DGKI: variants seen among roughly 807,000 people sequenced by gnomAD.
DGKI encodes the protein diacylglycerol kinase iota, also known as DAG kinase iota.
In DGKI, 55 loss-of-function variants were observed where a neutral mutation model predicts 147.5. That is an observed-to-expected ratio of 0.37 (90% confidence interval 0.30 to 0.47). The LOEUF is 0.47. Among genes scored for constraint, DGKI ranks in the 20% least tolerant of loss-of-function variants. The pLI, the probability that DGKI is intolerant of heterozygous loss-of-function variation, is 1.00. For missense variants in DGKI, 1,007 were observed against 1,323.8 expected (o/e 0.76, Z 3.71); for synonymous variants, 469 against 477.1 (o/e 0.98, Z 0.22).
intron 2 of DGKI, among the ~76,000 whole-genome samples, chr7:137,686,865 C>T (rs1403651364): frequency 1.3e-5 from 2 of 152,138 alleles, no homozygotes; most frequent in East Asian, 3.9e-4. Flanking sequence ...AGGCTAGTGT[C>T]AGAACACGGC....
intron 26 of DGKI, among the ~76,000 whole-genome samples, chr7:137,465,522 T>C (rs1324497451): frequency 6.6e-6 from 1 of 152,324 alleles, no homozygotes; most frequent in Middle Eastern, 3.4e-3. Context: ...GTTATTATTA[T>C]ATAATCTACA....
At chr7:137,800,723 A>T (rs1797178237) in intron 1 of DGKI, among the ~76,000 whole-genome samples, 1 of 152,202 alleles carries the variant, frequency 6.6e-6, no homozygotes, top group Non-Finnish European at 1.5e-5. Context: ...AAGACTGGCA[A>T]AACAGAGATT....
intron 1 of DGKI, among the ~76,000 whole-genome samples, chr7:137,717,368 C>T (rs1794411145): frequency 6.6e-6 from 1 of 151,908 alleles, no homozygotes. Flanking sequence ...GAAATTAGAA[C>T]TCTATTTAAA....
rs766641532 is a variant in DGKI at position 137,645,514 on chromosome 7, C to T, written c.762G>A (p.Val254=). The change falls in exon 6 of 33, where the codon GTG becomes GTA. Residue 254 remains valine (V), a synonymous_variant. Coordinates refer to ENST00000614521, the MANE Select transcript of DGKI (RefSeq NM_001321708.2). ...ATTTCCCCTCCTGCCGACGCCTGTG[C>T]ACCCAGTGATGACGTACAAAATTCT... ...PRENFVRHHW[V]HRRRQEGKCK... 1 of 1,612,850 alleles carries T rather than the reference C, an allele frequency of 6.2e-7. No homozygotes were observed. The highest frequency in any genetic ancestry group is 1.7e-5 in the Admixed American group (1 of 59,924).
intron 28 of DGKI, among the ~76,000 whole-genome samples, chr7:137,436,755 A>C (rs1264731611): frequency 2.0e-5 from 3 of 151,776 alleles, no homozygotes; most frequent in African/African-American, 7.3e-5. Flanking sequence ...ATCTAAACAA[A>C]ATATTAGCAA....
intron 1 of DGKI, among the ~76,000 whole-genome samples, chr7:137,797,405 A>C (rs1797065250): frequency 6.6e-6 from 1 of 152,212 alleles, no homozygotes; most frequent in African/African-American, 2.4e-5. Flanking sequence ...TATGAAGGAC[A>C]GTATTAATAA....
At chr7:137,799,719 T>C (rs376233230) in intron 1 of DGKI, among the ~76,000 whole-genome samples, 27 of 152,330 alleles carry the variant, frequency 1.8e-4, no homozygotes, top group African/African-American at 6.5e-4. Context: ...GCCAGCCTCA[T>C]CTACCAATCA....
At chr7:137,512,144 T>G (rs1044792682) in intron 21 of DGKI, among the ~76,000 whole-genome samples, 2 of 152,134 alleles carry the variant, frequency 1.3e-5, no homozygotes, top group African/African-American at 4.8e-5. Flanking sequence ...TCTTTTAAAT[T>G]TGTCTTTATA....
chr7:137,663,005 A>G (rs1039923615), intron 3 of DGKI, among the ~76,000 whole-genome samples: 1 of 151,936 alleles, frequency 6.6e-6, no homozygotes, highest in African/African-American at 2.4e-5. Flanking sequence ...ATACACCAAT[A>G]CTCCTGAATC....
chr7:137,420,084 A>G (rs1251859681), intron 28 of DGKI, among the ~76,000 whole-genome samples: 1 of 152,224 alleles, frequency 6.6e-6, no homozygotes, highest in African/African-American at 2.4e-5. Flanking sequence ...GATCAGACAC[A>G]TGGCTAGTAA....
chr7:137,435,257 A>C (rs1242415907), intron 28 of DGKI, among the ~76,000 whole-genome samples: 1 of 152,204 alleles, frequency 6.6e-6, no homozygotes, highest in Non-Finnish European at 1.5e-5. Context: ...CCCATGAGGA[A>C]AGAAAATTGG....
At chr7:137,792,713 T>A (rs1585499389) in intron 1 of DGKI, among the ~76,000 whole-genome samples, 1 of 152,208 alleles carries the variant, frequency 6.6e-6, no homozygotes, top group South Asian at 2.1e-4. Context: ...ATCCCCTTGG[T>A]GATGAGTTAC....
intron 28 of DGKI, among the ~76,000 whole-genome samples, chr7:137,425,377 T>G (rs1377066000): frequency 6.6e-6 from 1 of 152,032 alleles, no homozygotes; most frequent in Non-Finnish European, 1.5e-5. Flanking sequence ...AGAAAGGACA[T>G]CCACACCAAA....
chr7:137,806,071 C>T (rs1415837827), intron 1 of DGKI, among the ~76,000 whole-genome samples: 1 of 152,242 alleles, frequency 6.6e-6, no homozygotes, highest in Non-Finnish European at 1.5e-5. Flanking sequence ...GCAAAAACAA[C>T]TCTTCAACCT....
intron 10 of DGKI, among the ~76,000 whole-genome samples, chr7:137,600,801 C>T (rs1585272772): frequency 6.6e-6 from 1 of 152,116 alleles, no homozygotes; most frequent in Non-Finnish European, 1.5e-5. Flanking sequence ...AAGATCACAG[C>T]TTACTTTGAC....
chr7:137,506,819 AAAAAG>A (rs1423803748), intron 21 of DGKI, among the ~76,000 whole-genome samples: 3 of 152,206 alleles, frequency 2.0e-5, no homozygotes, highest in African/African-American at 7.2e-5. Flanking sequence ...AAATCAAGAG[AAAAAG>A]AAAAGAAAAA....
chr7:137,838,505 T>C (rs532345462), intron 1 of DGKI, among the ~76,000 whole-genome samples: 1 of 152,298 alleles, frequency 6.6e-6, no homozygotes, highest in African/African-American at 2.4e-5. Flanking sequence ...AGTTTTTTTT[T>C]TAAAAAAGCA....
intron 1 of DGKI, among the ~76,000 whole-genome samples, chr7:137,808,287 A>C (rs1256948162): frequency 1.3e-5 from 2 of 152,244 alleles, no homozygotes; most frequent in Admixed American, 1.3e-4. Context: ...GAGACTTATT[A>C]ATCTTATAAA....
chr7:137,642,264 T>A (rs1821655061), intron 6 of DGKI, among the ~76,000 whole-genome samples: 1 of 143,354 alleles, frequency 7.0e-6, no homozygotes, highest in African/African-American at 3.0e-5. Context: ...TGAAGATATG[T>A]GGAGCTGGGT....
Sources: allele counts gnomAD v4.1 joint callset (sites outside exome capture counted in the v4.1 genomes callset), GRCh38; gene constraint gnomAD v4.1.1; transcripts MANE v1.5; gene names NCBI Gene and HGNC (gene_info 2026-07-23, HGNC 2026-07-21).